Variants in PHF21B observed in about 807,000 individuals in gnomAD.
PHF21B encodes PHD finger protein 4.
Under a neutral mutation model 62.2 loss-of-function variants are expected in PHF21B, and 22 were observed. That is an observed-to-expected ratio of 0.35 (90% CI 0.25 to 0.51). The LOEUF (loss-of-function observed/expected upper bound fraction) is 0.51. Among genes scored for constraint, PHF21B ranks in the 20% least tolerant of loss-of-function variants. The probability of loss-of-function intolerance (pLI) is 0.97; values close to 1 mark genes in which losing one functional copy is unlikely to be tolerated. For synonymous variants in PHF21B, 341 were observed against 314.7 expected, an observed-to-expected ratio of 1.08 and a Z score of -0.88; for missense variants, 701 against 707.9, an observed-to-expected ratio of 0.99 and a Z score of 0.11.
At chr22:44,963,584 G>C (rs1400196582) in intron 2 of PHF21B, among the ~76,000 whole-genome samples, 1 of 152,218 alleles carries the variant, frequency 6.6e-6, no homozygotes, top group African/African-American at 2.4e-5. Flanking sequence ...GAACGGATAA[G>C]AAGATGCTTT....
At chr22:44,895,243 C>A (rs1249375339) in intron 6 of PHF21B, among the ~76,000 whole-genome samples, 1 of 152,088 alleles carries the variant, frequency 6.6e-6, no homozygotes, top group Non-Finnish European at 1.5e-5. Flanking sequence ...CCTCAGCTTC[C>A]CCATGGGGGC....
intron 2 of PHF21B, among the ~76,000 whole-genome samples, chr22:44,972,325 C>A (rs761006350): frequency 2.6e-5 from 4 of 152,256 alleles, no homozygotes; most frequent in Middle Eastern, 3.4e-3. Context: ...TAAAATGTAT[C>A]ATGAGTGACG....
intron 2 of PHF21B, among the ~76,000 whole-genome samples, chr22:44,954,023 C>T (rs781541451): frequency 2.0e-5 from 3 of 152,318 alleles, no homozygotes; most frequent in East Asian, 1.9e-4. Context: ...GAGCCTCTCC[C>T]GGCTCAGAGC....
intron 2 of PHF21B, among the ~76,000 whole-genome samples, chr22:44,949,867 C>A (rs938191476): frequency 6.6e-6 from 1 of 152,184 alleles, no homozygotes; most frequent in Admixed American, 6.5e-5. Flanking sequence ...GGCACCGCTG[C>A]AAGAACAGAT....
At chr22:44,987,440 G>A (rs2072970716) in intron 2 of PHF21B, among the ~76,000 whole-genome samples, 1 of 152,172 alleles carries the variant, frequency 6.6e-6, no homozygotes, top group African/African-American at 2.4e-5. Context: ...ACACTTCCAG[G>A]TCTACAAGGC....
chr22:44,905,926 A>G (rs1311746307), intron 5 of PHF21B, among the ~76,000 whole-genome samples: 1 of 151,970 alleles, frequency 6.6e-6, no homozygotes, highest in Non-Finnish European at 1.5e-5. Context: ...TCTCTCCCTC[A>G]CGCTTACCCT....
chr22:44,939,535 G>C (rs2071914963), intron 2 of PHF21B, among the ~76,000 whole-genome samples: 1 of 152,256 alleles, frequency 6.6e-6, no homozygotes, highest in African/African-American at 2.4e-5. Flanking sequence ...GCATCTGTGA[G>C]CACAGTGGGG....
chr22:44,955,913 A>G (rs2072287021), intron 2 of PHF21B, among the ~76,000 whole-genome samples: 1 of 152,206 alleles, frequency 6.6e-6, no homozygotes, highest in South Asian at 2.1e-4. Context: ...CGCTTCCGTC[A>G]TATTACAGAT....
intron 2 of PHF21B, among the ~76,000 whole-genome samples, chr22:44,992,550 G>A (rs1371814689): frequency 6.6e-6 from 1 of 152,234 alleles, no homozygotes; most frequent in South Asian, 2.1e-4. Context: ...GAGCGGAGGC[G>A]AGGTGTGTCT....
chr22:45,002,252 G>T (rs1430560523), intron 2 of PHF21B, among the ~76,000 whole-genome samples: 1 of 152,116 alleles, frequency 6.6e-6, no homozygotes, highest in African/African-American at 2.4e-5. Flanking sequence ...ATGTGGCCAA[G>T]AAAATTAAAT....
chr22:44,968,374 C>T (rs912956069), intron 2 of PHF21B, among the ~76,000 whole-genome samples: 4 of 152,052 alleles, frequency 2.6e-5, no homozygotes, highest in Non-Finnish European at 4.4e-5. Context: ...CTGGGTACAG[C>T]GGCTCACACC....
intron 2 of PHF21B, among the ~76,000 whole-genome samples, chr22:44,945,460 T>C (rs1345185249): frequency 6.6e-6 from 1 of 152,208 alleles, no homozygotes; most frequent in Non-Finnish European, 1.5e-5. Flanking sequence ...TGGGGTTTTG[T>C]GCTTTCTGCA....
rs1308371093 is a variant in PHF21B at position 45,009,619 on chromosome 22, G to C, written c.-70C>G. The C allele has an allele frequency of 4.2e-6, 6 of 1,435,064 alleles. No individual in the cohort carries two copies. The East Asian group carries it at 1.4e-4, about 34-fold the overall frequency. 88.9% of individuals were successfully genotyped at this position (1,435,064 alleles called of 1,614,324 possible). On this transcript the variant is annotated 5_prime_UTR_variant, in exon 1 of 13. Coordinates refer to ENST00000313237, the MANE Select transcript of PHF21B (RefSeq NM_138415.5). This position sits in a 1 kb window ranked among gnomAD's most constrained non-coding sequence, Gnocchi z 5.9. Reference sequence around the variant, plus strand: ...CCCGGGAAGTTGCGCGGCTCCGCGGGGGCCAGAGCGGGCGCGGGCGGACGC... The same window carrying C: ...CCCGGGAAGTTGCGCGGCTCCGCGGCGGCCAGAGCGGGCGCGGGCGGACGC...
intron 5 of PHF21B, among the ~76,000 whole-genome samples, chr22:44,898,736 G>A (rs749586205): frequency 5.9e-5 from 9 of 152,160 alleles, no homozygotes; most frequent in Non-Finnish European, 8.8e-5. Flanking sequence ...TAGAGGAGCT[G>A]AGGTAATAAA....
chr22:44,960,956 ATT>A (rs58426065), intron 2 of PHF21B, among the ~76,000 whole-genome samples: 8 of 120,910 alleles, frequency 6.6e-5, no homozygotes, highest in Admixed American at 9.3e-5. Flanking sequence ...ACGTGAGTTG[ATT>A]TTTTTTTTTT....
At chr22:44,915,347 T>C (rs921356484) in intron 4 of PHF21B, among the ~76,000 whole-genome samples, 10 of 152,262 alleles carry the variant, frequency 6.6e-5, no homozygotes, top group African/African-American at 2.4e-4. Flanking sequence ...ATGAGGCATC[T>C]ATGTGCCTAG....
intron 6 of PHF21B, among the ~76,000 whole-genome samples, chr22:44,894,589 G>T (rs368589977): frequency 6.6e-6 from 1 of 152,190 alleles, no homozygotes; most frequent in Non-Finnish European, 1.5e-5. Context: ...ACCATCAGGC[G>T]GGGAGCTCAC....
At chr22:44,934,610 G>C (rs938491074) in intron 2 of PHF21B, among the ~76,000 whole-genome samples, 22 of 152,150 alleles carry the variant, frequency 1.4e-4, no homozygotes, top group African/African-American at 5.3e-4. Flanking sequence ...AAGCTGTCTC[G>C]ACTCTGCAGG....
chr22:44,979,238 T>TG (rs895493352), intron 2 of PHF21B, among the ~76,000 whole-genome samples: 3 of 152,192 alleles, frequency 2.0e-5, no homozygotes, highest in African/African-American at 4.8e-5. Flanking sequence ...AGGTGCCATC[T>TG]GGGGGCTGCC....
Sources: gnomAD v4.1 joint callset for allele counts (sites outside exome capture counted in the v4.1 genomes callset) on GRCh38, gnomAD v4.1.1 for gene constraint, Gnocchi (gnomAD v3.1) non-coding constraint, MANE v1.5 for transcripts, NCBI Gene and HGNC (gene_info 2026-07-23, HGNC 2026-07-21) for gene names.